UPP1: variants seen among roughly 807,000 people sequenced by gnomAD.
UPP1 encodes uridine phosphorylase 1.
A neutral mutation model predicts 29.6 loss-of-function variants in UPP1; 25 were observed. That is an observed-to-expected ratio of 0.85 (90% CI 0.62 to 1.18). The LOEUF (loss-of-function observed/expected upper bound fraction) is 1.18, where lower values mean the gene tolerates loss of function less well. Among genes scored for constraint, UPP1 ranks in the 50% most tolerant of loss-of-function variants. The probability of loss-of-function intolerance (pLI) is 0.00; values close to 1 mark genes in which losing one functional copy is unlikely to be tolerated. For missense variants in UPP1, 368 were observed against 410.4 expected (o/e 0.90, Z 0.89); for synonymous variants, 165 against 159.8 (o/e 1.03, Z -0.25).
chr7:48,101,918 C>A lies in UPP1; in HGVS notation c.257C>A (p.Pro86His). The change falls in exon 5 of 9, where the codon CCC becomes CAC. Residue 86 changes from proline (P) to histidine (H), a missense_variant. Transcript: ENST00000395564. Reference protein sequence around the residue: ...LGLDCPGRDYPNICAGTDRYA... With the variant: ...LGLDCPGRDYHNICAGTDRYA... The stretch of plus-strand genomic sequence containing the variant: ...CTTGACTGCCCAGGTAGAGACTATC[C>A]CAACATCTGTGCGGGAACTGACCGC... 5.0e-6 allele frequency: 8 copies of A among 1,614,000 alleles called. No homozygotes were observed. The South Asian group carries it at 7.7e-5, about 16-fold the overall frequency.
chr7:48,106,549 G>C (rs112474933), intron 6 of UPP1: 1 of 302,628 alleles, frequency 3.3e-6, no homozygotes, highest in African/African-American at 2.1e-5. Flanking sequence ...GACCTCAGGT[G>C]ATCTGCTCGT....
chr7:48,090,054 A>T (rs1687862082), intron 1 of UPP1, 134 bp from the exon 2 acceptor site: 1 of 152,228 alleles, frequency 6.6e-6, no homozygotes, highest in African/African-American at 2.4e-5. Flanking sequence ...TACCGCATAA[A>T]ATATTGTCAT....
intron 6 of UPP1, chr7:48,104,014 T>A (rs1562657003): frequency 3.9e-6 from 3 of 776,904 alleles, no homozygotes; most frequent in Non-Finnish European, 5.3e-6. Flanking sequence ...GATCGGGAGA[T>A]CGAGACCATC....
chr7:48,107,718 C>G (rs902753558), intron 8 of UPP1, among the ~76,000 whole-genome samples: 1 of 152,238 alleles, frequency 6.6e-6, no homozygotes. Flanking sequence ...GCAGGATTCT[C>G]AGTGACCTTG....
chr7:48,091,576 T>C (rs186964027), intron 2 of UPP1, among the ~76,000 whole-genome samples: 1 of 152,106 alleles, frequency 6.6e-6, no homozygotes, highest in Non-Finnish European at 1.5e-5. Flanking sequence ...AGGAGAAAGG[T>C]TTTCTAAAAT....
intron 5 of UPP1, among the ~76,000 whole-genome samples, chr7:48,102,683 T>C (rs1396033476): frequency 6.6e-6 from 1 of 152,162 alleles, no homozygotes; most frequent in Non-Finnish European, 1.5e-5. Context: ...ACTGTATGGC[T>C]CTGCCACAGG....
chr7:48,099,212 C>A (rs532567020), intron 3 of UPP1, among the ~76,000 whole-genome samples: 11 of 152,268 alleles, frequency 7.2e-5, no homozygotes, highest in African/African-American at 2.6e-4. Context: ...TGAAGGTATG[C>A]AGATTGGAAA....
Position 48,101,835 on chromosome 7 carries a change from T to A in UPP1, c.174T>A (p.Val58=). Reference sequence around the variant, plus strand: ...TTCTCTGGCTGCAGTTTGTGTGTGTTGGTGGAAGCCCCTCCCGGATGAAAG... The same window carrying A: ...TTCTCTGGCTGCAGTTTGTGTGTGTAGGTGGAAGCCCCTCCCGGATGAAAG... ...ALFGDVKFVC[V]GGSPSRMKAF... Residue 58 remains valine (V), a synonymous_variant, in exon 5 of 9, where the codon GTT becomes GTA. Transcript: ENST00000395564. 6.2e-7 allele frequency: 1 copy of A among 1,613,922 alleles called. No individual in the cohort carries two copies. The highest frequency in any genetic ancestry group is 1.1e-5 in the South Asian group (1 of 91,060).
At chr7:48,090,833 C>G (rs1407208646) in intron 2 of UPP1, among the ~76,000 whole-genome samples, 3 of 152,168 alleles carry the variant, frequency 2.0e-5, no homozygotes, top group Non-Finnish European at 4.4e-5. Flanking sequence ...AACCTCATCA[C>G]CGCAGACCGT....
At chr7:48,098,226 C>T (rs1455686332) in intron 3 of UPP1, among the ~76,000 whole-genome samples, 1 of 152,142 alleles carries the variant, frequency 6.6e-6, no homozygotes, top group Non-Finnish European at 1.5e-5. Context: ...GTGAGCTCAC[C>T]TGGGCCCCAC....
At chr7:48,099,930 G>T in intron 4 of UPP1, 143 bp downstream of exon 4, 1 of 649,066 alleles carries the variant, frequency 1.5e-6, no homozygotes. Context: ...ATTTTTGCAA[G>T]TTTTTAACTT....
In UPP1 at chr7:48,104,112, T is replaced by C. The variant is rs1583877376; in HGVS notation, c.436+701T>C. The C allele has an allele frequency of 1.2e-5, 3 of 258,716 alleles. No homozygotes were observed. The East Asian group carries it at 2.9e-4, about 25-fold the overall frequency. The allele number at this position is 258,716 out of a possible 1,614,324, so 16.0% of individuals were successfully genotyped here. A position where few individuals can be genotyped will look rare whatever the true frequency, so the allele number is the denominator to read the frequency against. ...GCACGTCTGTAGTCCCAGCTGCTGG[T>C]GAGGCTGAGGCAGGAGAATCGCTTG... is the stretch of plus-strand genomic sequence containing the variant. On this transcript the variant is annotated intron_variant, in intron 6 of 8. Coordinates refer to ENST00000395564, the MANE Select transcript of UPP1 (RefSeq NM_003364.4).
intron 3 of UPP1, among the ~76,000 whole-genome samples, chr7:48,099,158 G>A (rs1366269082): frequency 3.3e-5 from 5 of 152,150 alleles, no homozygotes; most frequent in South Asian, 2.1e-4. Flanking sequence ...ATTGGATATC[G>A]TGCTGGAGAA....
rs1335668356 is a variant in UPP1 at position 48,101,902 on chromosome 7, C to T, written c.241C>T (p.Pro81Ser). 2.5e-6 allele frequency: 4 copies of T among 1,613,942 alleles called. No individual in the cohort carries two copies. The highest frequency in any genetic ancestry group is 3.3e-4 in the Middle Eastern group (2 of 6,062). Reference sequence around the variant, plus strand: ...TGGTGCAGAGCTGGGCCTTGACTGCCCAGGTAGAGACTATCCCAACATCTG... The same window carrying T: ...TGGTGCAGAGCTGGGCCTTGACTGCTCAGGTAGAGACTATCCCAACATCTG... ...CVGAELGLDCPGRDYPNICAG... is the reference protein window; with the variant it reads ...CVGAELGLDCSGRDYPNICAG... Residue 81 changes from proline (P) to serine (S), a missense_variant, in exon 5 of 9, where the codon CCA becomes TCA. Pro to Ser is a moderately conservative substitution (Grantham distance 74, BLOSUM62 -1). Coordinates refer to ENST00000395564, the MANE Select transcript of UPP1 (RefSeq NM_003364.4).
chr7:48,089,020 G>T (rs1236078545), upstream of UPP1: 1 of 151,932 alleles, frequency 6.6e-6, no homozygotes, highest in East Asian at 1.9e-4. Context: ...GAGGCGAGAA[G>T]CAATTGCGGG....
chr7:48,097,412 T>G (rs1046736348), intron 3 of UPP1, among the ~76,000 whole-genome samples: 2 of 152,060 alleles, frequency 1.3e-5, no homozygotes, highest in African/African-American at 4.8e-5. Flanking sequence ...TTTTACATTT[T>G]CTGTAGAGTC....
rs1271303489 is a variant in UPP1, at chr7:48,099,803, T to C, written c.162+16T>C. On this transcript the variant is annotated intron_variant, in intron 4 of 8. Coordinates refer to ENST00000395564, the MANE Select transcript of UPP1 (RefSeq NM_003364.4). ...AGATGTGAAGGTAAGAGGCCAGGTG[T>C]TGACACCTTGGAATTTGCCTTAAGA... 3.2e-6 allele frequency: 5 copies of C among 1,561,762 alleles called. No homozygotes were observed. The highest frequency in any genetic ancestry group is 1.4e-5 in the African/African-American group (1 of 73,812).
chr7:48,101,744 T>A, intron 4 of UPP1, 80 bp from the exon 5 acceptor site: 1 of 1,449,204 alleles, frequency 6.9e-7, no homozygotes, highest in Non-Finnish European at 9.3e-7. Context: ...GTAATACTGA[T>A]GTTGCTGGTC....
At chr7:48,103,089 A>C (rs1792521101) in intron 5 of UPP1, among the ~76,000 whole-genome samples, 1 of 152,198 alleles carries the variant, frequency 6.6e-6, no homozygotes, top group Non-Finnish European at 1.5e-5. Flanking sequence ...AATTGTGTCG[A>C]TCAAATGGGG....
Sources: gnomAD v4.1 joint callset for allele counts (sites outside exome capture counted in the v4.1 genomes callset) on GRCh38, gnomAD v4.1.1 for gene constraint, MANE v1.5 for transcripts, NCBI Gene and HGNC (gene_info 2026-07-23, HGNC 2026-07-21) for gene names.